The following COLGALT1 variants were observed in gnomAD, a reference collection of about 807,000 sequenced individuals.
COLGALT1 encodes collagen beta(1-O)galactosyltransferase 1.
In COLGALT1, 43 loss-of-function variants were observed where a neutral mutation model predicts 60.8. The observed-to-expected ratio is 0.71, with a 90% CI of 0.55 to 0.91. The LOEUF (loss-of-function observed/expected upper bound fraction) is 0.91. COLGALT1 is among the 40% of genes least tolerant of loss of function. The pLI, the probability that COLGALT1 is intolerant of heterozygous loss-of-function variation, is 0.00. For missense variants in COLGALT1, 845 were observed against 880.0 expected, an observed-to-expected ratio of 0.96 and a Z score of 0.50; for synonymous variants, 369 against 374.2, an observed-to-expected ratio of 0.99 and a Z score of 0.16.
In COLGALT1 at chr19:17,577,286, C is replaced by T; in HGVS notation, c.1026+15C>T. 1 of 1,612,274 alleles carries T rather than the reference C, an allele frequency of 6.2e-7. No homozygotes were observed. Among genetic ancestry groups the T allele is most frequent in the Non-Finnish European group, 8.5e-7 (1 of 1,179,382 alleles). On this transcript the variant is annotated intron_variant, in intron 7 of 11. Transcript: ENST00000252599. ...GCTTCGACGAGGTGAGCTGGGCCTT[C>T]CCTGGAGGCGGGGCGGGGGCTGGAG...
chr19:17,579,929 G>A, intron 10 of COLGALT1: 1 of 338,608 alleles, frequency 3.0e-6, no homozygotes, highest in Non-Finnish European at 5.7e-6. Flanking sequence ...TGGTTCCTGG[G>A]CCTGAAGGCA....
At chr19:17,560,502 A>G in intron 3 of COLGALT1, 37 bp downstream of exon 3, 1 of 1,541,444 alleles carries the variant, frequency 6.5e-7, no homozygotes, top group Non-Finnish European at 9.0e-7. Flanking sequence ...GATCACAGGC[A>G]GGTCTGGGTA....
chr19:17,557,968 G>A (rs1290857639), intron 1 of COLGALT1, among the ~76,000 whole-genome samples: 5 of 151,582 alleles, frequency 3.3e-5, no homozygotes, highest in Admixed American at 2.0e-4. Flanking sequence ...ACTGAGTCTC[G>A]CTCTCGTTGC....
chr19:17,574,891 C>T (rs1461812309), intron 6 of COLGALT1, among the ~76,000 whole-genome samples: 1 of 151,322 alleles, frequency 6.6e-6, no homozygotes, highest in East Asian at 2.0e-4. Flanking sequence ...CAGAGTCTCG[C>T]TGTTACCCAG....
intron 10 of COLGALT1, 116 bp downstream of exon 10, chr19:17,579,725 C>A: frequency 2.3e-6 from 3 of 1,301,622 alleles, no homozygotes; most frequent in Non-Finnish European, 3.1e-6. Context: ...GGCTTAGAGG[C>A]GGGGCTTGAA....
At chr19:17,572,647 C>T (rs1344426928) in intron 6 of COLGALT1, 45 bp downstream of exon 6, 13 of 1,609,976 alleles carry the variant, frequency 8.1e-6, no homozygotes, top group Non-Finnish European at 1.1e-5. Flanking sequence ...AGGTTGCCTC[C>T]CTTTCACTGA....
At chr19:17,564,008 G>A (rs1290804144) in intron 3 of COLGALT1, among the ~76,000 whole-genome samples, 1 of 151,852 alleles carries the variant, frequency 6.6e-6, no homozygotes, top group African/African-American at 2.4e-5. Context: ...GGCCAATGTG[G>A]GAGGATCATT....
intron 3 of COLGALT1, 138 bp from the exon 4 acceptor site, chr19:17,567,268 C>G: frequency 8.7e-7 from 1 of 1,155,422 alleles, no homozygotes; most frequent in Non-Finnish European, 1.2e-6. Context: ...AACGGGGTCC[C>G]TGCTTCATTT....
rs762142373 is a variant in COLGALT1 at position 17,567,386 on chromosome 19, C to T, written c.490-20C>T. ...CCTGACCTGGCAGCCCATGCTGATG[C>T]TTTGTGGGGTGTTCTGCAGTTTGTA... is the stretch of plus-strand genomic sequence containing the variant. On this transcript the variant is annotated intron_variant, in intron 3 of 11. Coordinates refer to ENST00000252599, the MANE Select transcript of COLGALT1 (RefSeq NM_024656.4). 1 of 1,612,566 alleles carries T rather than the reference C, an allele frequency of 6.2e-7. No homozygotes were observed. The highest frequency in any genetic ancestry group is 8.5e-7 in the Non-Finnish European group (1 of 1,179,210).
chr19:17,577,661 T>C (rs1742234293), intron 8 of COLGALT1, among the ~76,000 whole-genome samples, 194 bp downstream of exon 8: 1 of 152,028 alleles, frequency 6.6e-6, no homozygotes, highest in South Asian at 2.1e-4. Context: ...TTGTAGACCA[T>C]GGAAGGCAAG....
At chr19:17,577,876 AG>A (rs1163250118) in intron 8 of COLGALT1, 80 bp from the exon 9 acceptor site, 28 of 1,534,050 alleles carry the variant, frequency 1.8e-5, no homozygotes, top group Admixed American at 3.7e-5. Context: ...TCAACGCCGC[AG>A]GGGGTGGTGG....
intron 5 of COLGALT1, among the ~76,000 whole-genome samples, chr19:17,570,476 C>A (rs1374889495): frequency 6.6e-6 from 1 of 151,882 alleles, no homozygotes; most frequent in Admixed American, 6.6e-5. Context: ...GAACTCCTGG[C>A]CTTAAGTGAT....
At position 17,581,379 on chromosome 19, in the gene COLGALT1, C is replaced by T. The variant is rs535742636; in HGVS notation, c.1804C>T (p.Arg602Cys). 57 of 1,613,040 alleles carry T rather than the reference C, an allele frequency of 3.5e-5. No individual in the cohort carries two copies. Among genetic ancestry groups the T allele is most frequent in the Non-Finnish European group, 3.9e-5 (46 of 1,179,966 alleles). The change falls in exon 12 of 12, where the codon CGT becomes TGT. Residue 602 changes from arginine (R) to cysteine (C), a missense_variant. Physicochemically the swap from Arg to Cys is radical, Grantham distance 180 (BLOSUM62 -3). Transcript: ENST00000252599. Reference sequence around the variant, plus strand: ...GATGCGGGAGCAGCAGGCACTGAGCCGTGAGGCCAAGAACTCGGACGTGCT... The same window carrying T: ...GATGCGGGAGCAGCAGGCACTGAGCTGTGAGGCCAAGAACTCGGACGTGCT... ...QKMREQQALSREAKNSDVLQS... is the reference protein window; with the variant it reads ...QKMREQQALSCEAKNSDVLQS...
At chr19:17,579,726 G>C in intron 10 of COLGALT1, 117 bp downstream of exon 10, 2 of 1,339,752 alleles carry the variant, frequency 1.5e-6, no homozygotes, top group Non-Finnish European at 2.0e-6. Flanking sequence ...GCTTAGAGGC[G>C]GGGCTTGAAG....
Position 17,580,914 on chromosome 19 carries a change from G to C in COLGALT1, c.1601+9G>C. 1 of 1,613,206 alleles carries C rather than the reference G, an allele frequency of 6.2e-7. No individual in the cohort carries two copies. Among genetic ancestry groups the C allele is most frequent in the Non-Finnish European group, 8.5e-7 (1 of 1,179,976 alleles). On this transcript the variant is annotated intron_variant, in intron 11 of 11. Transcript: ENST00000252599. ...TTCGACAAACACCCAGTGTGAGAGGGGCAGGCGGCTGCTGGGCTGGGGTTT... is the reference window on the plus strand; with the variant it reads ...TTCGACAAACACCCAGTGTGAGAGGCGCAGGCGGCTGCTGGGCTGGGGTTT...
At chr19:17,570,062 T>A (rs1295671382) in intron 5 of COLGALT1, among the ~76,000 whole-genome samples, 1 of 151,896 alleles carries the variant, frequency 6.6e-6, no homozygotes, top group Non-Finnish European at 1.5e-5. Context: ...GCCCGGCTAA[T>A]TTTTGTATTT....
intron 4 of COLGALT1, among the ~76,000 whole-genome samples, chr19:17,567,820 A>G (rs928505692): frequency 6.6e-5 from 10 of 151,896 alleles, no homozygotes; most frequent in Admixed American, 1.3e-4. Context: ...ATGGTGGCAC[A>G]TGCCTGTCCT....
In COLGALT1 at chr19:17,582,494, G is replaced by C. The variant is rs1417360838; in HGVS notation, c.*1050G>C. 6.6e-6 allele frequency: 1 copy of C among 152,218 alleles called. No individual in the cohort carries two copies. The highest frequency in any genetic ancestry group is 2.1e-4 in the South Asian group (1 of 4,838). The allele number at this position is 152,218 out of a possible 1,614,324, so 9.4% of individuals were successfully genotyped here. A position where few individuals can be genotyped will look rare whatever the true frequency, so the allele number is the denominator to read the frequency against. On this transcript the variant is annotated 3_prime_UTR_variant, in exon 12 of 12. Transcript: ENST00000252599. Reference sequence around the variant, plus strand: ...CTGAAGAGCACTGACTGTGTGCCGGGCACTAGTGATACAAAAGAGTGTGAC... The same window carrying C: ...CTGAAGAGCACTGACTGTGTGCCGGCCACTAGTGATACAAAAGAGTGTGAC...
intron 3 of COLGALT1, among the ~76,000 whole-genome samples, chr19:17,565,165 T>C (rs112357163): frequency 4.0e-5 from 3 of 74,508 alleles, no homozygotes; most frequent in South Asian, 3.8e-4. Flanking sequence ...TGTTGAGACT[T>C]TTTTTTTGAG....
Sources: allele counts gnomAD v4.1 joint callset (sites outside exome capture counted in the v4.1 genomes callset), GRCh38; gene constraint gnomAD v4.1.1; transcripts MANE v1.5; gene names NCBI Gene and HGNC (gene_info 2026-07-23, HGNC 2026-07-21).